The following ANKRD31 variants were observed in gnomAD, a reference collection of about 807,000 sequenced individuals.
The protein encoded by ANKRD31 is ankyrin repeat domain-containing protein 31.
Under a neutral mutation model 186.0 loss-of-function variants are expected in ANKRD31, and 147 were observed. The observed-to-expected ratio is 0.79, with a 90% CI of 0.69 to 0.91. The LOEUF (loss-of-function observed/expected upper bound fraction) is 0.91, where lower values mean the gene tolerates loss of function less well. Ranked by LOEUF, ANKRD31 falls within the 40% of genes least tolerant of loss-of-function variation. The pLI is 0.00. For missense variants in ANKRD31, 1,986 were observed against 2,148.8 expected (o/e 0.92, Z 1.50); for synonymous variants, 673 against 736.4 (o/e 0.91, Z 1.39).
At chr5:75,233,286 C>T (rs191320109) in intron 1 of ANKRD31, among the ~76,000 whole-genome samples, 1,530 of 152,020 alleles carry the variant, frequency 0.01, 15 homozygotes, top group Middle Eastern at 0.027. Flanking sequence ...TGGTCTCGAA[C>T]TCCTGACCTC....
rs556244114 is a variant in ANKRD31, at chr5:75,157,991, T to G, written c.1708-3646A>C. Among the ~76,000 whole-genome samples the G allele has an allele frequency of 2.4e-4, 37 of 152,266 alleles. No individual in the cohort carries two copies. In the South Asian group the frequency reaches 6.2e-3, roughly 26 times the overall value. ...TGGCTGTGATATAATAGAGGCAGAC[T>G]ACTCAGAAGCTTAGGAGATTAGCGA... On this transcript the variant is annotated intron_variant, in intron 11 of 25. Coordinates refer to ENST00000506364, the MANE Select transcript of ANKRD31 (RefSeq NM_001372053.1).
chr5:75,192,520 G>A (rs936963167), intron 9 of ANKRD31, 147 bp downstream of exon 9: 1 of 631,588 alleles, frequency 1.6e-6, no homozygotes, highest in Admixed American at 3.1e-5. Flanking sequence ...ATAATGAGCT[G>A]TATGGTTCTG....
At chr5:75,073,211 C>A (rs1035107611) in intron 25 of ANKRD31, among the ~76,000 whole-genome samples, 3 of 151,824 alleles carry the variant, frequency 2.0e-5, no homozygotes, top group Middle Eastern at 3.2e-3. Flanking sequence ...ATGGGAGGAT[C>A]ACTTGAGCCC....
chr5:75,204,919 C>T (rs920218532), intron 5 of ANKRD31, among the ~76,000 whole-genome samples: 23 of 152,232 alleles, frequency 1.5e-4, no homozygotes, highest in African/African-American at 5.1e-4. Context: ...TAGGGTCTCA[C>T]TCTGTCACCC....
At chr5:75,135,028 G>A (rs958768779) in intron 17 of ANKRD31, among the ~76,000 whole-genome samples, 1 of 152,108 alleles carries the variant, frequency 6.6e-6, no homozygotes, top group African/African-American at 2.4e-5. Flanking sequence ...AAAATAATAA[G>A]AGCTATTTAT....
rs949995303 is a variant in ANKRD31, at chr5:75,236,687, C to G, written c.-1G>C. 30 of 1,535,988 alleles carry G rather than the reference C, an allele frequency of 2.0e-5. No individual in the cohort carries two copies. The highest frequency in any genetic ancestry group is 4.4e-6 in the Non-Finnish European group (5 of 1,146,204). On this transcript the variant is annotated 5_prime_UTR_variant, in exon 1 of 26. Transcript: ENST00000506364. ...CTGGGGCCTGGACGCCTTCCTCCAT[C>G]TTTGCCTCACATTCAAAGTCTTTTT... is the stretch of plus-strand genomic sequence containing the variant.
chr5:75,192,319 C>T (rs577696665), intron 9 of ANKRD31, among the ~76,000 whole-genome samples: 1 of 152,202 alleles, frequency 6.6e-6, no homozygotes, highest in East Asian at 1.9e-4. Context: ...GAAATAAGAT[C>T]TAAGAATAAT....
chr5:75,153,706 G>A (rs1375979310), intron 12 of ANKRD31, among the ~76,000 whole-genome samples: 1 of 152,048 alleles, frequency 6.6e-6, no homozygotes, highest in Non-Finnish European at 1.5e-5. Context: ...GTATTAGAGA[G>A]TATAAAGAGT....
At chr5:75,230,498 T>G in intron 2 of ANKRD31, 64 bp downstream of exon 2, 226 of 1,266,880 alleles carry the variant, frequency 1.8e-4, no homozygotes, top group Non-Finnish European at 2.3e-4. Context: ...AACCTATCAA[T>G]GACATTAAAT....
intron 22 of ANKRD31, among the ~76,000 whole-genome samples, chr5:75,094,183 C>T (rs935137637): frequency 1.6e-4 from 24 of 152,102 alleles, no homozygotes; most frequent in Non-Finnish European, 1.5e-5. Flanking sequence ...AATGACTCCA[C>T]ATGGTAACTC....
chr5:75,126,181 C>T (rs1398236401), intron 17 of ANKRD31, among the ~76,000 whole-genome samples: 1 of 152,180 alleles, frequency 6.6e-6, no homozygotes, highest in Non-Finnish European at 1.5e-5. Flanking sequence ...TTGTTTCTCA[C>T]CTGTAATCCC....
intron 17 of ANKRD31, among the ~76,000 whole-genome samples, chr5:75,118,533 A>T (rs535984320): frequency 2.6e-5 from 4 of 152,168 alleles, no homozygotes; most frequent in Non-Finnish European, 5.9e-5. Flanking sequence ...TGCTGCCTTC[A>T]TTGCAGTAAG....
chr5:75,121,996 A>C (rs903244193), intron 17 of ANKRD31, among the ~76,000 whole-genome samples: 6 of 152,194 alleles, frequency 3.9e-5, no homozygotes, highest in African/African-American at 9.6e-5. Context: ...CAAACCAAAC[A>C]AAACAAAAAC....
At chr5:75,151,614 C>G (rs578208425) in intron 12 of ANKRD31, among the ~76,000 whole-genome samples, 1 of 151,966 alleles carries the variant, frequency 6.6e-6, no homozygotes, top group Admixed American at 6.6e-5. Context: ...AATCTCTTTC[C>G]TTTATAAGTT....
intron 7 of ANKRD31, 130 bp downstream of exon 7, chr5:75,195,501 A>G: frequency 1.3e-6 from 1 of 752,064 alleles, no homozygotes; most frequent in Non-Finnish European, 2.0e-6. Context: ...AACTTGTTGA[A>G]GTTTAAAAGG....
chr5:75,135,906 A>G lies in ANKRD31; in HGVS notation c.3876+1950T>C, dbSNP rs145995205. On this transcript the variant is annotated intron_variant, in intron 17 of 25. Coordinates refer to ENST00000506364, the MANE Select transcript of ANKRD31 (RefSeq NM_001372053.1). ...ATCTTTGACAAACCTGACAAAAACAAGAAATGCGGAAAGGATTCCCTATTT... is the reference window on the plus strand; with the variant it reads ...ATCTTTGACAAACCTGACAAAAACAGGAAATGCGGAAAGGATTCCCTATTT... 1.1e-3 allele frequency among the ~76,000 whole-genome samples: 167 copies of G among 152,368 alleles called. 1 individual carries two copies. Among genetic ancestry groups the G allele is most frequent in the African/African-American group, 3.8e-3 (160 of 41,590 alleles).
intron 17 of ANKRD31, among the ~76,000 whole-genome samples, chr5:75,129,761 C>A (rs1040955147): frequency 2.0e-5 from 3 of 152,166 alleles, no homozygotes; most frequent in South Asian, 2.1e-4. Flanking sequence ...ACGGAGGTAC[C>A]AGGTTCATCT....
At chr5:75,089,001 T>C (rs1388425296) in intron 23 of ANKRD31, among the ~76,000 whole-genome samples, 3 of 152,206 alleles carry the variant, frequency 2.0e-5, no homozygotes, top group Non-Finnish European at 4.4e-5. Context: ...TTGCCTGGAA[T>C]GCTTTTTCAA....
intron 11 of ANKRD31, among the ~76,000 whole-genome samples, chr5:75,165,387 G>GT (rs1752847407): frequency 6.6e-6 from 1 of 152,062 alleles, no homozygotes; most frequent in Non-Finnish European, 1.5e-5. Flanking sequence ...TAGTAATATT[G>GT]TAAGTATATT....
Sources: gnomAD v4.1 joint callset for allele counts (sites outside exome capture counted in the v4.1 genomes callset) on GRCh38, gnomAD v4.1.1 for gene constraint, MANE v1.5 for transcripts, NCBI Gene and HGNC (gene_info 2026-07-23, HGNC 2026-07-21) for gene names.